MALT1: variants seen among roughly 807,000 people sequenced by gnomAD.
MALT1 encodes MALT1 paracaspase, also known as mucosa-associated lymphoid tissue lymphoma translocation protein 1.
MALT1 carries 36 observed loss-of-function variants against 85.5 expected under a neutral mutation model. The observed-to-expected ratio is 0.42, with a 90% CI of 0.32 to 0.56. The LOEUF is 0.56. Among genes scored for constraint, MALT1 ranks in the 20% least tolerant of loss-of-function variants. The pLI is 0.10. For missense variants in MALT1, 716 were observed against 981.6 expected (o/e 0.73, Z 3.62); for synonymous variants, 359 against 361.3 (o/e 0.99, Z 0.07).
chr18:58,729,538 AG>A (rs368955681), intron 10 of MALT1, among the ~76,000 whole-genome samples: 14 of 152,018 alleles, frequency 9.2e-5, no homozygotes, highest in South Asian at 6.2e-4. Context: ...TAATACAAGG[AG>A]AAAAAAACAC....
Position 58,748,341 on chromosome 18 carries a change from T to TGAGATAAGTGTTATGTTTGTAGATA in MALT1, c.*503_*527dup, listed in dbSNP as rs1352736408. 3.0e-5 allele frequency: 6 copies of TGAGATAAGTGTTATGTTTGTAGATA among 197,478 alleles called. No individual in the cohort carries two copies. Among genetic ancestry groups the TGAGATAAGTGTTATGTTTGTAGATA allele is most frequent in the Admixed American group, 1.2e-4 (2 of 16,684 alleles). The allele number at this position is 197,478 out of a possible 1,614,324, so 12.2% of individuals were successfully genotyped here. ...ACACAACTGCCTTCCTGACAGGTTC[T>TGAGATAAGTGTTATGTTTGTAGATA]GAGATAAGTGTTATGTTTGTAGATA... On this transcript the variant is annotated 3_prime_UTR_variant, in exon 17 of 17. Coordinates refer to ENST00000649217, the MANE Select transcript of MALT1 (RefSeq NM_006785.4).
intron 15 of MALT1, 114 bp from the exon 16 acceptor site, chr18:58,745,551 AC>A: frequency 1.1e-6 from 1 of 872,590 alleles, no homozygotes; most frequent in East Asian, 2.5e-5. Flanking sequence ...ACCAAAATTC[AC>A]GAGAGGCCAG....
At chr18:58,702,143 C>T (rs768340497) in intron 4 of MALT1, among the ~76,000 whole-genome samples, 2 of 143,240 alleles carry the variant, frequency 1.4e-5, no homozygotes, top group Admixed American at 1.5e-4. Context: ...GGTGCTGGGG[C>T]GGGTGAATCA....
chr18:58,675,612 A>G (rs997001825), intron 1 of MALT1, among the ~76,000 whole-genome samples: 3 of 152,236 alleles, frequency 2.0e-5, no homozygotes, highest in African/African-American at 7.2e-5. Context: ...ATGAATAATT[A>G]ATATGGACAA....
At chr18:58,684,716 G>A (rs1205745468) in intron 2 of MALT1, among the ~76,000 whole-genome samples, 1 of 152,038 alleles carries the variant, frequency 6.6e-6, no homozygotes, top group Non-Finnish European at 1.5e-5. Context: ...AAAGTGCTGG[G>A]ATTACAGGCG....
Position 58,723,268 on chromosome 18 carries a change from G to A in MALT1, c.1222+17G>A. ...GAGTATATGGTAAGATATTTATAAT[G>A]TTTGTTTTTACAATTATCCATTATT... On this transcript the variant is annotated intron_variant, in intron 10 of 16. Coordinates refer to ENST00000649217, the MANE Select transcript of MALT1 (RefSeq NM_006785.4). 1.3e-6 allele frequency: 2 copies of A among 1,565,070 alleles called. No individual in the cohort carries two copies.
rs553571741 is a variant in MALT1, at chr18:58,748,214, A to G, written c.*372A>G. 98 of 256,980 alleles carry G rather than the reference A, an allele frequency of 3.8e-4. No individual in the cohort carries two copies. Among genetic ancestry groups the G allele is most frequent in the African/African-American group, 2.1e-3 (94 of 45,132 alleles). The allele number at this position is 256,980 out of a possible 1,614,324, so 15.9% of individuals were successfully genotyped here. On this transcript the variant is annotated 3_prime_UTR_variant, in exon 17 of 17. Coordinates refer to ENST00000649217, the MANE Select transcript of MALT1 (RefSeq NM_006785.4). The stretch of plus-strand genomic sequence containing the variant: ...GAAAGAACCTTGCCGATCACCAGGC[A>G]TAACCTAATTTTATCCATGGAAGAA...
chr18:58,696,491 A>AT lies in MALT1; in HGVS notation c.498+10dup, dbSNP rs755484303. On this transcript the variant is annotated splice_donor_region_variant and intron_variant, in intron 3 of 16. Coordinates refer to ENST00000649217, the MANE Select transcript of MALT1 (RefSeq NM_006785.4). ...GTGGTTCAAAATGAATAAAGAGGTAATTTTTTAAATATATCTTTTAATTCT... is the reference window on the plus strand; with the variant it reads ...GTGGTTCAAAATGAATAAAGAGGTAATTTTTTTAAATATATCTTTTAATTCT... The AT allele has an allele frequency of 5.8e-6, 9 of 1,555,666 alleles. No individual in the cohort carries two copies. Among genetic ancestry groups the AT allele is most frequent in the Non-Finnish European group, 7.8e-6 (9 of 1,151,156 alleles).
chr18:58,697,638 C>G (rs896748826), intron 3 of MALT1, among the ~76,000 whole-genome samples: 1 of 152,170 alleles, frequency 6.6e-6, no homozygotes, highest in Non-Finnish European at 1.5e-5. Context: ...TGGAAAAACC[C>G]TACTACATTA....
At position 58,723,092 on chromosome 18, in the gene MALT1, G is replaced by C. The variant is rs759229163; in HGVS notation, c.1063G>C (p.Glu355Gln). The C allele has an allele frequency of 1.2e-6, 2 of 1,613,812 alleles. No individual in the cohort carries two copies. The highest frequency in any genetic ancestry group is 8.5e-7 in the Non-Finnish European group (1 of 1,179,920). Residue 355 changes from glutamate (E) to glutamine (Q), a missense_variant, in exon 10 of 17, where the codon GAG (glutamate) becomes CAG (glutamine). By Grantham distance (29) the Glu-to-Gln change is conservative (BLOSUM62 2). Coordinates refer to ENST00000649217, the MANE Select transcript of MALT1 (RefSeq NM_006785.4). ...TTTGATAGGAAATATGAATTACCGG[G>C]AGCACCCCAAGCTCAAAGCTCCTTT... ...ALLIGNMNYR[E>Q]HPKLKAPLVD...
intron 10 of MALT1, among the ~76,000 whole-genome samples, chr18:58,728,421 A>T (rs1323897762): frequency 6.6e-6 from 1 of 151,920 alleles, no homozygotes; most frequent in Non-Finnish European, 1.5e-5. Context: ...CTTGGACAAT[A>T]TAGTGAGACC....
At chr18:58,682,284 G>T (rs76887452) in intron 2 of MALT1, among the ~76,000 whole-genome samples, 6,073 of 152,190 alleles carry the variant, frequency 0.04, 219 homozygotes, top group Admixed American at 0.11. Flanking sequence ...GGAACACATG[G>T]TATAGTGGTA....
At chr18:58,738,401 T>C (rs1158967234) in intron 13 of MALT1, among the ~76,000 whole-genome samples, 1 of 152,180 alleles carries the variant, frequency 6.6e-6, no homozygotes, top group Non-Finnish European at 1.5e-5. Context: ...TTGGTGAGCA[T>C]TTGAGTTAGT....
intron 9 of MALT1, among the ~76,000 whole-genome samples, chr18:58,718,575 C>T (rs1252824736): frequency 6.6e-6 from 1 of 152,152 alleles, no homozygotes; most frequent in Non-Finnish European, 1.5e-5. Context: ...CAAAACCACC[C>T]CTCCCCTGAC....
At chr18:58,745,561 A>C in intron 15 of MALT1, 105 bp from the exon 16 acceptor site, 1 of 957,660 alleles carries the variant, frequency 1.0e-6, no homozygotes, top group Non-Finnish European at 1.6e-6. Context: ...ACGAGAGGCC[A>C]GAATTCACGA....
At chr18:58,700,959 A>G (rs1029037795) in intron 4 of MALT1, among the ~76,000 whole-genome samples, 1 of 151,688 alleles carries the variant, frequency 6.6e-6, no homozygotes, top group Non-Finnish European at 1.5e-5. Flanking sequence ...CACCTGGGTA[A>G]TTTTTGTATT....
chr18:58,710,112 A>G, intron 6 of MALT1, 40 bp downstream of exon 6: 1 of 1,277,002 alleles, frequency 7.8e-7, no homozygotes, highest in Non-Finnish European at 1.1e-6. Context: ...AGTGGACTAT[A>G]ATATAAGCTA....
Position 58,671,531 on chromosome 18 carries a change from T to G in MALT1, c.-113T>G. 1.6e-6 allele frequency: 1 copy of G among 622,934 alleles called. No homozygotes were observed. Among genetic ancestry groups the G allele is most frequent in the East Asian group, 3.8e-5 (1 of 26,604 alleles). The allele number at this position is 622,934 out of a possible 1,614,324, so 38.6% of individuals were successfully genotyped here. On this transcript the variant is annotated 5_prime_UTR_variant, in exon 1 of 17. Coordinates refer to ENST00000649217, the MANE Select transcript of MALT1 (RefSeq NM_006785.4). ...GAGGGCCGTGCCGCGCTGCCAGATT[T>G]GTTCTTCCGCCCCTGCCTCCGCGGC... is the stretch of plus-strand genomic sequence containing the variant.
At chr18:58,698,752 T>C (rs532960348) in intron 3 of MALT1, among the ~76,000 whole-genome samples, 120 of 152,256 alleles carry the variant, frequency 7.9e-4, no homozygotes, top group Non-Finnish European at 1.1e-3. Context: ...GTAGCTAATT[T>C]AGTAGGGAAA....
Sources: allele counts gnomAD v4.1 joint callset (sites outside exome capture counted in the v4.1 genomes callset), GRCh38; gene constraint gnomAD v4.1.1; transcripts MANE v1.5; gene names NCBI Gene and HGNC (gene_info 2026-07-23, HGNC 2026-07-21).